Variants in CYP39A1 observed in about 807,000 individuals in gnomAD.
CYP39A1 encodes cytochrome P450 family 39 subfamily A member 1, also known as 24-hydroxycholesterol 7-alpha-hydroxylase.
CYP39A1 carries 49 observed loss-of-function variants against 58.1 expected under a neutral mutation model. The observed-to-expected ratio is 0.84, with a 90% CI of 0.67 to 1.07. CYP39A1 has a LOEUF of 1.07. Among genes scored for constraint, CYP39A1 ranks in the 50% least tolerant of loss-of-function variants. The pLI, the probability that CYP39A1 is intolerant of heterozygous loss-of-function variation, is 0.00. For missense variants in CYP39A1, 531 were observed against 539.4 expected, an observed-to-expected ratio of 0.98 and a Z score of 0.16; for synonymous variants, 209 against 187.6, an observed-to-expected ratio of 1.11 and a Z score of -0.93.
intron 1 of CYP39A1, among the ~76,000 whole-genome samples, chr6:46,643,031 T>C (rs1776438292): frequency 6.6e-6 from 1 of 152,166 alleles, no homozygotes; most frequent in South Asian, 2.1e-4. Flanking sequence ...CCTTCTCTCT[T>C]CTACATTTAT....
At chr6:46,577,804 ATACT>A (rs1771920350) in intron 10 of CYP39A1, among the ~76,000 whole-genome samples, 1 of 152,102 alleles carries the variant, frequency 6.6e-6, no homozygotes, top group South Asian at 2.1e-4. Context: ...GCTTATATTG[ATACT>A]TACATACCAC....
At chr6:46,577,098 A>G (rs189573134) in intron 10 of CYP39A1, among the ~76,000 whole-genome samples, 5 of 152,366 alleles carry the variant, frequency 3.3e-5, no homozygotes, top group Admixed American at 6.5e-5. Flanking sequence ...GAAACCTTAC[A>G]TGCCATGAGA....
intron 5 of CYP39A1, among the ~76,000 whole-genome samples, chr6:46,632,748 G>A (rs1775737620): frequency 6.6e-6 from 1 of 152,028 alleles, no homozygotes. Flanking sequence ...CTTGAAGGTG[G>A]TTGAGTTAGG....
At chr6:46,613,906 T>C (rs1181046922) in intron 7 of CYP39A1, among the ~76,000 whole-genome samples, 2 of 146,600 alleles carry the variant, frequency 1.4e-5, no homozygotes, top group South Asian at 2.2e-4. Context: ...ATTACTTTAG[T>C]AGTTATTTTG....
chr6:46,641,409 T>C (rs981122669), intron 2 of CYP39A1, among the ~76,000 whole-genome samples: 1 of 152,048 alleles, frequency 6.6e-6, no homozygotes, highest in East Asian at 1.9e-4. Flanking sequence ...CTTTCTTGTC[T>C]TAATGGCAAG....
At chr6:46,596,254 G>T (rs1454662446) in intron 7 of CYP39A1, 134 bp from the exon 8 acceptor site, 1 of 572,256 alleles carries the variant, frequency 1.7e-6, no homozygotes. Context: ...ACCTATTACA[G>T]GTTTAGTCAT....
chr6:46,650,139 C>T (rs1762584096), intron 1 of CYP39A1, among the ~76,000 whole-genome samples: 1 of 149,678 alleles, frequency 6.7e-6, no homozygotes, highest in South Asian at 2.1e-4. Context: ...CACACACACA[C>T]ATACACACAT....
At chr6:46,611,758 G>A (rs192848673) in intron 7 of CYP39A1, among the ~76,000 whole-genome samples, 2 of 152,118 alleles carry the variant, frequency 1.3e-5, no homozygotes, top group East Asian at 1.9e-4. Context: ...ATAACAGTGG[G>A]TAGATAATAA....
Position 46,652,669 on chromosome 6 carries a change from C to T in CYP39A1, c.-87G>A. The T allele has an allele frequency of 7.7e-7, 1 of 1,290,964 alleles. No homozygotes were observed. The highest frequency in any genetic ancestry group is 1.0e-6 in the Non-Finnish European group (1 of 954,454). The allele number at this position is 1,290,964 out of a possible 1,614,324, so 80.0% of individuals were successfully genotyped here. On this transcript the variant is annotated 5_prime_UTR_variant, in exon 1 of 12. Coordinates refer to ENST00000275016, the MANE Select transcript of CYP39A1 (RefSeq NM_016593.5). ...CTTTTCTGTGGGCTACGGAACCTGT[C>T]GGGACTCCCAACCTTTCTGCTGCAA...
chr6:46,650,397 A>T (rs1451311787), intron 1 of CYP39A1, among the ~76,000 whole-genome samples: 2 of 142,578 alleles, frequency 1.4e-5, no homozygotes, highest in Non-Finnish European at 3.0e-5. Context: ...TTTTTTTATC[A>T]TACTGCCCAG....
intron 10 of CYP39A1, chr6:46,586,433 T>G: frequency 1.0e-6 from 1 of 973,326 alleles, no homozygotes; most frequent in South Asian, 4.8e-5. Context: ...TTGGTCTTCC[T>G]CAGTGCTCTC....
chr6:46,563,540 C>T (rs908643293), intron 10 of CYP39A1, among the ~76,000 whole-genome samples: 2 of 151,800 alleles, frequency 1.3e-5, no homozygotes, highest in African/African-American at 2.4e-5. Flanking sequence ...ACACCAAGAC[C>T]GACACAACAC....
rs199681970 is a variant in CYP39A1, at chr6:46,652,511, C to G, written c.72G>C (p.Lys24Asn). ...TGATGCACGGGGGTCTACGCAAATT[C>G]TTCCGCTGAAGGAGTAAGAACAGAG... The part of the protein sequence containing the change: ...CLALFLLLQR[K>N]NLRRPPCIKG... Residue 24 changes from lysine to asparagine, a missense_variant, in exon 1 of 12, where the codon AAG (lysine) becomes AAC (asparagine). By Grantham distance (94) the Lys-to-Asn change is moderately conservative (BLOSUM62 0). Transcript: ENST00000275016. The G allele has an allele frequency of 6.2e-7, 1 of 1,614,022 alleles. No homozygotes were observed. Among genetic ancestry groups the G allele is most frequent in the Non-Finnish European group, 8.5e-7 (1 of 1,179,980 alleles).
chr6:46,566,033 G>A (rs1290441847), intron 10 of CYP39A1, among the ~76,000 whole-genome samples: 1 of 152,278 alleles, frequency 6.6e-6, no homozygotes, highest in East Asian at 1.9e-4. Flanking sequence ...GAGCAGATGG[G>A]ACAGCAAGAA....
intron 10 of CYP39A1, among the ~76,000 whole-genome samples, chr6:46,577,922 C>A (rs1359756773): frequency 2.0e-5 from 3 of 151,948 alleles, no homozygotes; most frequent in Non-Finnish European, 2.9e-5. Context: ...AACACTTGAC[C>A]AAATGGACCA....
At chr6:46,608,992 C>T (rs1259829624) in intron 7 of CYP39A1, among the ~76,000 whole-genome samples, 1 of 151,990 alleles carries the variant, frequency 6.6e-6, no homozygotes, top group South Asian at 2.1e-4. Context: ...TTTTGTGAGA[C>T]GAGTATTTGT....
chr6:46,584,760 C>G (rs924595510), intron 10 of CYP39A1, among the ~76,000 whole-genome samples: 1 of 152,112 alleles, frequency 6.6e-6, no homozygotes, highest in African/African-American at 2.4e-5. Context: ...CTTAGTAACC[C>G]TTTGCTCATT....
intron 6 of CYP39A1, 151 bp from the exon 7 acceptor site, chr6:46,625,659 C>T (rs1775270658): frequency 2.2e-6 from 1 of 460,668 alleles, no homozygotes; most frequent in Non-Finnish European, 3.7e-6. Flanking sequence ...TTGAAAACAA[C>T]TAGATATTAT....
chr6:46,602,900 A>G (rs916518154), intron 7 of CYP39A1, among the ~76,000 whole-genome samples: 13 of 120,502 alleles, frequency 1.1e-4, no homozygotes, highest in African/African-American at 4.1e-4. Flanking sequence ...ATATATTGAC[A>G]CTGAAAGCCA....
Sources: allele counts gnomAD v4.1 joint callset (sites outside exome capture counted in the v4.1 genomes callset), GRCh38; gene constraint gnomAD v4.1.1; transcripts MANE v1.5; gene names NCBI Gene and HGNC (gene_info 2026-07-23, HGNC 2026-07-21).